Variants in MYO1D observed in about 807,000 individuals in gnomAD.
MYO1D encodes the protein unconventional myosin-Id.
Under a neutral mutation model 122.0 loss-of-function variants are expected in MYO1D, and 83 were observed. The observed-to-expected ratio is 0.68, with a 90% CI of 0.57 to 0.82. The LOEUF is 0.82. MYO1D is among the 40% of genes least tolerant of loss of function. The pLI, the probability that MYO1D is intolerant of heterozygous loss-of-function variation, is 0.00. For missense variants in MYO1D, 1,157 were observed against 1,269.5 expected (o/e 0.91, Z 1.35); for synonymous variants, 464 against 446.9 (o/e 1.04, Z -0.48).
Position 32,738,390 on chromosome 17 carries a change from G to A in MYO1D, c.1614-5C>T, listed in dbSNP as rs934461479. ...TTCTTGAGCACAGGATTTGAACTGA[G>A]AAGCACAGAAAAAACAATTCAAATG... On this transcript the variant is annotated splice_region_variant and splice_polypyrimidine_tract_variant and intron_variant, in intron 13 of 21. Transcript: ENST00000318217. 3.8e-6 allele frequency: 6 copies of A among 1,562,528 alleles called. No homozygotes were observed. Among genetic ancestry groups the A allele is most frequent in the Admixed American group, 1.9e-5 (1 of 51,676 alleles).
At chr17:32,507,340 G>A (rs556154298) in intron 21 of MYO1D, among the ~76,000 whole-genome samples, 1 of 152,286 alleles carries the variant, frequency 6.6e-6, no homozygotes, top group Non-Finnish European at 1.5e-5. Context: ...GGAGGTTGAG[G>A]CTGCAGTGAG....
At chr17:32,514,015 G>A (rs904444938) in intron 21 of MYO1D, among the ~76,000 whole-genome samples, 6 of 151,748 alleles carry the variant, frequency 4.0e-5, no homozygotes, top group African/African-American at 1.2e-4. Flanking sequence ...AGGTTGAGGC[G>A]GGTAGATCAT....
chr17:32,702,000 T>C (rs16967565), intron 16 of MYO1D, among the ~76,000 whole-genome samples: 318 of 152,334 alleles, frequency 2.1e-3, no homozygotes, highest in African/African-American at 7.4e-3. Context: ...TGCAGGAATA[T>C]TTCAAGGCTG....
intron 21 of MYO1D, among the ~76,000 whole-genome samples, chr17:32,581,709 A>C (rs1252296090): frequency 2.6e-5 from 4 of 151,684 alleles, no homozygotes. Flanking sequence ...ACTAGCTGAG[A>C]ATACAGGTGC....
At chr17:32,829,196 G>A (rs929061587) in intron 1 of MYO1D, among the ~76,000 whole-genome samples, 2 of 152,154 alleles carry the variant, frequency 1.3e-5, no homozygotes, top group African/African-American at 2.4e-5. Flanking sequence ...TAGAACAGGG[G>A]AACTAGATAC....
At chr17:32,677,344 A>G (rs1444781604) in intron 16 of MYO1D, among the ~76,000 whole-genome samples, 2 of 152,088 alleles carry the variant, frequency 1.3e-5, no homozygotes, top group African/African-American at 2.4e-5. Flanking sequence ...TAGATTATCC[A>G]TAATTAAAAA....
At chr17:32,563,470 G>C (rs2087145744) in intron 21 of MYO1D, among the ~76,000 whole-genome samples, 1 of 152,002 alleles carries the variant, frequency 6.6e-6, no homozygotes, top group East Asian at 1.9e-4. Context: ...ACCCACCTCA[G>C]CCTCCAAAAG....
At chr17:32,562,220 T>A (rs1256362199) in intron 21 of MYO1D, among the ~76,000 whole-genome samples, 1 of 151,904 alleles carries the variant, frequency 6.6e-6, no homozygotes. Context: ...GATACGCTCG[T>A]TCTTTCAATG....
chr17:32,589,994 A>G (rs1335761614), intron 21 of MYO1D, among the ~76,000 whole-genome samples: 2 of 152,206 alleles, frequency 1.3e-5, no homozygotes, highest in African/African-American at 4.8e-5. Flanking sequence ...AGTGTTCCTC[A>G]AGTTCCCACT....
intron 1 of MYO1D, among the ~76,000 whole-genome samples, chr17:32,818,125 C>CAAAAAAAAAAAAAAAAAAAAAAAAAA (rs58466009): frequency 6.1e-4 from 28 of 45,980 alleles, no homozygotes; most frequent in Non-Finnish European, 1.0e-3. Context: ...GACTCCGTCT[C>CAAAAAAAAAAAAAAAAAAAAAAAAAA]AAAAAAAAAA....
chr17:32,500,006 A>G (rs1325637923), intron 21 of MYO1D, among the ~76,000 whole-genome samples: 1 of 152,218 alleles, frequency 6.6e-6, no homozygotes, highest in Non-Finnish European at 1.5e-5. Context: ...AAACAACCCT[A>G]CAAGTTTAAT....
At chr17:32,626,780 T>G (rs8073879) in intron 20 of MYO1D, among the ~76,000 whole-genome samples, 5 of 152,218 alleles carry the variant, frequency 3.3e-5, no homozygotes, top group Non-Finnish European at 7.3e-5. Context: ...AAATTCTGAC[T>G]TCTTTCTCTC....
chr17:32,620,937 A>G (rs1037349867), intron 20 of MYO1D, among the ~76,000 whole-genome samples: 2 of 152,244 alleles, frequency 1.3e-5, no homozygotes, highest in African/African-American at 4.8e-5. Context: ...CAAAGTGCTT[A>G]GAACCAGAAA....
At chr17:32,524,841 G>A (rs1229132727) in intron 21 of MYO1D, among the ~76,000 whole-genome samples, 1 of 152,042 alleles carries the variant, frequency 6.6e-6, no homozygotes, top group Admixed American at 6.5e-5. Flanking sequence ...GATTACAATC[G>A]TGAGCCACTG....
intron 1 of MYO1D, among the ~76,000 whole-genome samples, chr17:32,788,954 A>T (rs756977688): frequency 6.6e-6 from 1 of 152,078 alleles, no homozygotes; most frequent in Non-Finnish European, 1.5e-5. Flanking sequence ...TTTTCCTTGC[A>T]ATCTTTCACC....
chr17:32,527,751 C>T (rs1910387883), intron 21 of MYO1D, among the ~76,000 whole-genome samples: 1 of 152,086 alleles, frequency 6.6e-6, no homozygotes, highest in Non-Finnish European at 1.5e-5. Context: ...TGAGCTGTGA[C>T]TGTGCTACTG....
intron 13 of MYO1D, among the ~76,000 whole-genome samples, chr17:32,741,102 C>A (rs1443334563): frequency 6.6e-6 from 1 of 151,728 alleles, no homozygotes; most frequent in Non-Finnish European, 1.5e-5. Context: ...GTGGTGCATG[C>A]CTGTACCCCC....
Position 32,562,051 on chromosome 17 carries a change from C to T in MYO1D, c.2864+43036G>A, listed in dbSNP as rs183780765. ...TGTCACCCAGGCTGGAGTACAGTGGCACAATCACAGCTCACTGCAGTCTTG... is the reference window on the plus strand; with the variant it reads ...TGTCACCCAGGCTGGAGTACAGTGGTACAATCACAGCTCACTGCAGTCTTG... On this transcript the variant is annotated intron_variant, in intron 21 of 21. Coordinates refer to ENST00000318217, the MANE Select transcript of MYO1D (RefSeq NM_015194.3). 4.0e-4 allele frequency among the ~76,000 whole-genome samples: 60 copies of T among 151,634 alleles called. 2 individuals are homozygous for T. In the Middle Eastern group the frequency reaches 0.017, roughly 43 times the overall value.
chr17:32,784,761 G>A lies in MYO1D; in HGVS notation c.96-3977C>T, dbSNP rs188051161. 5.9e-5 allele frequency among the ~76,000 whole-genome samples: 9 copies of A among 152,072 alleles called. No homozygotes were observed. The East Asian group carries it at 7.7e-4, about 13-fold the overall frequency. ...CTATAGTAGGAAGTCAAGATGAGAG[G>A]GGCTCCTTCAGATCAGTCACAGGCA... On this transcript the variant is annotated intron_variant, in intron 1 of 21. Coordinates refer to ENST00000318217, the MANE Select transcript of MYO1D (RefSeq NM_015194.3).
Sources: gnomAD v4.1 joint callset for allele counts (sites outside exome capture counted in the v4.1 genomes callset) on GRCh38, gnomAD v4.1.1 for gene constraint, MANE v1.5 for transcripts, NCBI Gene and HGNC (gene_info 2026-07-23, HGNC 2026-07-21) for gene names.